The following AOPEP variants were observed in gnomAD, a reference collection of about 807,000 sequenced individuals.
The protein encoded by AOPEP is aminopeptidase O.
In AOPEP, 77 loss-of-function variants were observed where a neutral mutation model predicts 98.1. The observed-to-expected ratio is 0.78, with a 90% CI of 0.65 to 0.95. The LOEUF (loss-of-function observed/expected upper bound fraction) is 0.95. AOPEP is among the 40% of genes least tolerant of loss of function. AOPEP has a pLI of 0.00. For synonymous variants in AOPEP, 346 were observed against 365.3 expected, an observed-to-expected ratio of 0.95 and a Z score of 0.60; for missense variants, 1,024 against 1,024.7, an observed-to-expected ratio of 1.00 and a Z score of 0.01.
chr9:94,891,051 A>G (rs2048821407), intron 5 of AOPEP, among the ~76,000 whole-genome samples: 2 of 152,366 alleles, frequency 1.3e-5, no homozygotes, highest in Non-Finnish European at 1.5e-5. Flanking sequence ...GAAATAACCA[A>G]CTACAATTGT....
At chr9:95,045,173 G>A (rs1006247869) in intron 13 of AOPEP, among the ~76,000 whole-genome samples, 2 of 152,234 alleles carry the variant, frequency 1.3e-5, no homozygotes, top group African/African-American at 2.4e-5. Context: ...AGCCAACGGC[G>A]CCCCTAGCGT....
At chr9:95,099,165 G>C in the AOPEP span, 3 of 216,932 alleles carry the variant, frequency 1.4e-5, no homozygotes, top group Non-Finnish European at 2.8e-5. Flanking sequence ...ATAACAGCCT[G>C]GTTGGAGGGG....
intron 16 of AOPEP, chr9:95,085,662 C>T (rs2070571327): frequency 2.8e-6 from 1 of 359,408 alleles, no homozygotes; most frequent in Non-Finnish European, 5.5e-6. Flanking sequence ...CACTTGACCC[C>T]AAGGATGCAC....
In AOPEP at chr9:95,087,099, AAAG is replaced by A. The variant is rs1246344969; in HGVS notation, c.*425_*427del. 1 of 199,802 alleles carries A rather than the reference AAAG, an allele frequency of 5.0e-6. No individual in the cohort carries two copies. Among genetic ancestry groups the A allele is most frequent in the African/African-American group, 2.4e-5 (1 of 42,228 alleles). 12.4% of individuals were successfully genotyped at this position (199,802 alleles called of 1,614,324 possible). A position where few individuals can be genotyped will look rare whatever the true frequency, so the allele number is the denominator to read the frequency against. On this transcript the variant is annotated 3_prime_UTR_variant, in exon 17 of 17. Transcript: ENST00000375315. ...GTATGAGACCAGTGGGCGCCATTTA[AAAG>A]AACAGGATGAGAATCTAAGATATAT...
intron 1 of AOPEP, among the ~76,000 whole-genome samples, chr9:94,741,567 G>A (rs1833135439): frequency 6.6e-6 from 1 of 151,974 alleles, no homozygotes; most frequent in Admixed American, 6.6e-5. Context: ...CACTGCACCC[G>A]GCCTTCCCCC....
intron 3 of AOPEP, among the ~76,000 whole-genome samples, chr9:94,785,628 T>G (rs1396518337): frequency 1.3e-5 from 2 of 152,148 alleles, no homozygotes; most frequent in Non-Finnish European, 2.9e-5. Context: ...CTACCAACCC[T>G]CTCTGTTAGT....
intron 5 of AOPEP, among the ~76,000 whole-genome samples, chr9:94,863,391 C>T (rs1281545681): frequency 1.3e-5 from 2 of 151,530 alleles, no homozygotes; most frequent in African/African-American, 4.9e-5. Flanking sequence ...TGCCATTCTC[C>T]TGCCTCAGCC....
rs568845485 is a variant in AOPEP at position 94,865,854 on chromosome 9, C to T, written c.1365-58132C>T. 2.8e-4 allele frequency among the ~76,000 whole-genome samples: 43 copies of T among 152,316 alleles called. No homozygotes were observed. The South Asian group carries it at 8.9e-3, about 32-fold the overall frequency. Reference sequence around the variant, plus strand: ...GCTACTGCTAGACAGGAATGCCAAACATTTCCAACCGCAAATTATACTTGA... The same window carrying T: ...GCTACTGCTAGACAGGAATGCCAAATATTTCCAACCGCAAATTATACTTGA... On this transcript the variant is annotated intron_variant, in intron 5 of 16. Transcript: ENST00000375315.
chr9:94,880,713 T>A (rs2047486521), intron 5 of AOPEP, among the ~76,000 whole-genome samples: 3 of 152,250 alleles, frequency 2.0e-5, no homozygotes, highest in Non-Finnish European at 4.4e-5. Flanking sequence ...ATCTGCTATC[T>A]TTTTAAATAT....
chr9:95,026,211 T>C (rs573424607), intron 13 of AOPEP, among the ~76,000 whole-genome samples: 2 of 152,348 alleles, frequency 1.3e-5, no homozygotes, highest in East Asian at 3.9e-4. Context: ...TTAACAACTT[T>C]AAGGCGTAAT....
At chr9:95,043,272 GTATA>G (rs905750717) in intron 13 of AOPEP, among the ~76,000 whole-genome samples, 9 of 17,200 alleles carry the variant, frequency 5.2e-4, no homozygotes, top group African/African-American at 7.5e-4. Flanking sequence ...ATATATATCT[GTATA>G]TATGTACAGA....
chr9:95,144,870 C>T, the AOPEP span, among the ~76,000 whole-genome samples: 2 of 152,172 alleles, frequency 1.3e-5, no homozygotes, highest in Non-Finnish European at 2.9e-5. Flanking sequence ...ACGTTCACAA[C>T]GCCCTTTACT....
chr9:94,940,484 C>A (rs2056882809), intron 7 of AOPEP, among the ~76,000 whole-genome samples: 2 of 152,202 alleles, frequency 1.3e-5, no homozygotes, highest in African/African-American at 4.8e-5. Flanking sequence ...TGCCTATAAT[C>A]CTAGCTACTC....
At chr9:94,835,223 A>G (rs2041439417) in intron 5 of AOPEP, among the ~76,000 whole-genome samples, 1 of 152,200 alleles carries the variant, frequency 6.6e-6, no homozygotes. Flanking sequence ...TTGGTTGGAC[A>G]AGAGTCTAGC....
At chr9:95,069,383 G>GT (rs1379450019) in intron 14 of AOPEP, among the ~76,000 whole-genome samples, 3 of 152,326 alleles carry the variant, frequency 2.0e-5, no homozygotes, top group South Asian at 4.1e-4. Context: ...AAGGCTGTGA[G>GT]TTACATGTCA....
chr9:95,142,131 T>C, the AOPEP span, among the ~76,000 whole-genome samples: 1 of 151,814 alleles, frequency 6.6e-6, no homozygotes, highest in Non-Finnish European at 1.5e-5. Context: ...TAGCTGGGAC[T>C]ACAGGCACCT....
chr9:95,149,370 A>C, the AOPEP span, among the ~76,000 whole-genome samples: 1 of 152,160 alleles, frequency 6.6e-6, no homozygotes, highest in Non-Finnish European at 1.5e-5. Context: ...AATAATATGT[A>C]CAACAAAACC....
chr9:94,964,529 A>T (rs967042941), intron 9 of AOPEP, among the ~76,000 whole-genome samples: 3 of 152,104 alleles, frequency 2.0e-5, no homozygotes, highest in African/African-American at 4.8e-5. Context: ...ATTTCCCCCC[A>T]TATAATTGAG....
rs367677240 is a variant in AOPEP, at chr9:94,998,163, G to A, written c.1978-6995G>A. 1.9e-4 allele frequency among the ~76,000 whole-genome samples: 29 copies of A among 151,622 alleles called. 1 individual carries two copies. Among genetic ancestry groups the A allele is most frequent in the Middle Eastern group, 6.8e-3 (2 of 294 alleles). On this transcript the variant is annotated intron_variant, in intron 11 of 16. Coordinates refer to ENST00000375315, the MANE Select transcript of AOPEP (RefSeq NM_001193329.3). ...TTTTCCAGCCTATGTTGTCATCTGGGGTTGATCTAATCCATATAATGAACA... is the reference window on the plus strand; with the variant it reads ...TTTTCCAGCCTATGTTGTCATCTGGAGTTGATCTAATCCATATAATGAACA...
Sources: gnomAD v4.1 joint callset for allele counts (sites outside exome capture counted in the v4.1 genomes callset) on GRCh38, gnomAD v4.1.1 for gene constraint, MANE v1.5 for transcripts, NCBI Gene and HGNC (gene_info 2026-07-23, HGNC 2026-07-21) for gene names.